EXOC1: variants seen among roughly 807,000 people sequenced by gnomAD.
The protein encoded by EXOC1 is SEC3-like 1.
A neutral mutation model predicts 107.7 loss-of-function variants in EXOC1; 67 were observed. The observed-to-expected ratio is 0.62, with a 90% CI of 0.51 to 0.76. The LOEUF (loss-of-function observed/expected upper bound fraction) is 0.76, where lower values mean the gene tolerates loss of function less well. Ranked by LOEUF, EXOC1 falls within the 30% of genes least tolerant of loss-of-function variation. EXOC1 has a pLI of 0.00. For missense variants in EXOC1, 833 were observed against 1,055.7 expected (o/e 0.79, Z 2.92); for synonymous variants, 348 against 353.5 (o/e 0.98, Z 0.17).
At position 55,878,756 on chromosome 4, in the gene EXOC1, A is replaced by C. The variant is rs146312701; in HGVS notation, c.1224+690A>C. Reference sequence around the variant, plus strand: ...GAGATGTGCAGACAAAGGTGGGAAAAATACACGCTTGTCCTAGAACAATGA... The same window carrying C: ...GAGATGTGCAGACAAAGGTGGGAAACATACACGCTTGTCCTAGAACAATGA... On this transcript the variant is annotated intron_variant, in intron 9 of 18. Coordinates refer to ENST00000381295, the MANE Select transcript of EXOC1 (RefSeq NM_001024924.2). Among the ~76,000 whole-genome samples, 277 of 152,264 alleles carry C rather than the reference A, an allele frequency of 1.8e-3. 2 individuals carry two copies. Among genetic ancestry groups the C allele is most frequent in the African/African-American group, 6.0e-3 (248 of 41,560 alleles).
At chr4:55,898,205 C>T (rs1725466530) in intron 16 of EXOC1, among the ~76,000 whole-genome samples, 1 of 152,104 alleles carries the variant, frequency 6.6e-6, no homozygotes, top group Non-Finnish European at 1.5e-5. Flanking sequence ...TGCAGTGAGC[C>T]TTGTTCATGC....
Position 55,866,997 on chromosome 4 carries a change from A to AT in EXOC1, c.416-1335dup, listed in dbSNP as rs1331790463. 2.2e-5 allele frequency: 12 copies of AT among 556,280 alleles called. No individual in the cohort carries two copies. In the South Asian group the frequency reaches 7.8e-4, roughly 36 times the overall value. 34.5% of individuals were successfully genotyped at this position (556,280 alleles called of 1,614,324 possible). On this transcript the variant is annotated intron_variant, in intron 4 of 18. Transcript: ENST00000381295. ...TGAAATGATGTACTGGGACAAATTT[A>AT]TTTTAAAAATCTACATAGTAATAAA...
At position 55,892,833 on chromosome 4, in the gene EXOC1, T is replaced by TG; in HGVS notation, c.1724+123dup. 14 of 815,210 alleles carry TG rather than the reference T, an allele frequency of 1.7e-5. No homozygotes were observed. In the South Asian group the frequency reaches 2.1e-4, roughly 13 times the overall value. The allele number at this position is 815,210 out of a possible 1,614,324, so 50.5% of individuals were successfully genotyped here. On this transcript the variant is annotated intron_variant, in intron 14 of 18. Coordinates refer to ENST00000381295, the MANE Select transcript of EXOC1 (RefSeq NM_001024924.2). ...TGACAGCACTCACAGTACCAGCATG[T>TG]GTGTCCATTGTCTTATCAAACGTTT...
At chr4:55,885,268 A>T (rs1475320713) in intron 10 of EXOC1, among the ~76,000 whole-genome samples, 2 of 152,166 alleles carry the variant, frequency 1.3e-5, no homozygotes, top group African/African-American at 4.8e-5. Flanking sequence ...TATTTCTAAA[A>T]TTATCTCCTG....
intron 9 of EXOC1, among the ~76,000 whole-genome samples, chr4:55,881,299 C>T (rs1391414852): frequency 2.0e-5 from 3 of 152,126 alleles, no homozygotes; most frequent in Admixed American, 6.6e-5. Flanking sequence ...AAGGAGTTTT[C>T]CTCTCCTAAT....
intron 9 of EXOC1, among the ~76,000 whole-genome samples, chr4:55,878,511 AG>A (rs1390440909): frequency 2.6e-5 from 4 of 152,204 alleles, no homozygotes; most frequent in Admixed American, 6.5e-5. Context: ...AATGCGCTTT[AG>A]ATCTGACTGG....
intron 8 of EXOC1, among the ~76,000 whole-genome samples, chr4:55,873,251 CTG>C (rs1722605257): frequency 6.6e-6 from 1 of 152,006 alleles, no homozygotes; most frequent in Admixed American, 6.6e-5. Flanking sequence ...GACAGCGAGA[CTG>C]TGGGAGTGTA....
At chr4:55,889,980 T>C (rs988903610) in intron 11 of EXOC1, among the ~76,000 whole-genome samples, 1 of 152,216 alleles carries the variant, frequency 6.6e-6, no homozygotes, top group African/African-American at 2.4e-5. Context: ...TAAGGTCCCT[T>C]TCAGTCCCGT....
chr4:55,890,440 A>G (rs546942774), intron 12 of EXOC1, 54 bp downstream of exon 12: 4 of 1,522,872 alleles, frequency 2.6e-6, no homozygotes, highest in Admixed American at 1.7e-5. Context: ...TTCTAACAGC[A>G]GTTTGTGGTT....
At position 55,904,436 on chromosome 4, in the gene EXOC1, A is replaced by G; in HGVS notation, c.2626A>G (p.Met876Val). The G allele has an allele frequency of 2.5e-6, 4 of 1,613,116 alleles. No individual in the cohort carries two copies. The highest frequency in any genetic ancestry group is 3.4e-6 in the Non-Finnish European group (4 of 1,179,762). Reference sequence around the variant, plus strand: ...CTGTTATCCTGGATCTGGTGTTACAATGGAATTCACTATTCAGGACATTCT... The same window carrying G: ...CTGTTATCCTGGATCTGGTGTTACAGTGGAATTCACTATTCAGGACATTCT... Reference protein sequence around the residue: ...ARCYPGSGVTMEFTIQDILDY... With the variant: ...ARCYPGSGVTVEFTIQDILDY... The change falls in exon 19 of 19, where the codon ATG becomes GTG. Residue 876 changes from methionine (M) to valine (V), a missense_variant. Transcript: ENST00000381295.
chr4:55,871,270 A>G, intron 7 of EXOC1, 37 bp downstream of exon 7: 4 of 1,592,146 alleles, frequency 2.5e-6, no homozygotes, highest in Non-Finnish European at 3.4e-6. Flanking sequence ...GTGACCAAGA[A>G]TGTGAGACTA....
chr4:55,876,964 T>G (rs1456704728), intron 8 of EXOC1: 1 of 985,278 alleles, frequency 1.0e-6, no homozygotes, highest in Non-Finnish European at 1.2e-6. Flanking sequence ...TCTTTCTTTC[T>G]CAGTTACCAA....
chr4:55,860,631 AAATT>A, intron 3 of EXOC1, 90 bp downstream of exon 3: 2 of 1,435,102 alleles, frequency 1.4e-6, no homozygotes, highest in Non-Finnish European at 1.9e-6. Flanking sequence ...ATCTAAAAAC[AAATT>A]AATATATATG....
At chr4:55,858,895 A>G (rs1265366820) in intron 2 of EXOC1, among the ~76,000 whole-genome samples, 1 of 152,168 alleles carries the variant, frequency 6.6e-6, no homozygotes, top group African/African-American at 2.4e-5. Flanking sequence ...GAAATTTATA[A>G]TTTAAACTAA....
Position 55,904,918 on chromosome 4 carries a change from T to C in EXOC1, c.*423T>C, listed in dbSNP as rs1341417836. The C allele has an allele frequency of 6.5e-6, 1 of 153,590 alleles. No homozygotes were observed. The highest frequency in any genetic ancestry group is 1.4e-5 in the Non-Finnish European group (1 of 69,086). The allele number at this position is 153,590 out of a possible 1,614,324, so 9.5% of individuals were successfully genotyped here. ...TTGTTTTTTCACACTAACAAATGTG[T>C]ATATGGAGAAGAGGGCTCATGTGAT... On this transcript the variant is annotated 3_prime_UTR_variant, in exon 19 of 19. Transcript: ENST00000381295.
intron 13 of EXOC1, 166 bp from the exon 14 acceptor site, chr4:55,892,469 A>G (rs1724673535): frequency 1.7e-6 from 1 of 600,846 alleles, no homozygotes; most frequent in African/African-American, 1.9e-5. Context: ...ATTCTTAAAT[A>G]GCATACTAAA....
At chr4:55,899,944 T>C (rs1364332926) in intron 17 of EXOC1, 60 bp downstream of exon 17, 2 of 1,411,716 alleles carry the variant, frequency 1.4e-6, no homozygotes, top group Non-Finnish European at 1.9e-6. Context: ...TAAGTTTGCA[T>C]ATGAATAACC....
At chr4:55,868,564 G>A (rs778310359) in intron 5 of EXOC1, 41 bp downstream of exon 5, 14 of 1,559,790 alleles carry the variant, frequency 9.0e-6, no homozygotes, top group Admixed American at 5.2e-5. Context: ...GATGTATAGT[G>A]GATTGAGAAG....
intron 9 of EXOC1, among the ~76,000 whole-genome samples, chr4:55,880,142 T>C (rs1723259691): frequency 6.6e-6 from 1 of 152,170 alleles, no homozygotes; most frequent in Admixed American, 6.5e-5. Flanking sequence ...TATTTGACAG[T>C]AGGACATTTT....
Sources: allele counts gnomAD v4.1 joint callset (sites outside exome capture counted in the v4.1 genomes callset), GRCh38; gene constraint gnomAD v4.1.1; transcripts MANE v1.5; gene names NCBI Gene and HGNC (gene_info 2026-07-23, HGNC 2026-07-21).